Variants in IARS1 observed in about 807,000 individuals in gnomAD.
IARS1 encodes isoleucyl-tRNA synthetase 1, also known as isoleucine--tRNA ligase, cytoplasmic.
Under a neutral mutation model 168.2 loss-of-function variants are expected in IARS1, and 124 were observed. That is an observed-to-expected ratio of 0.74 (90% CI 0.64 to 0.86). IARS1 has a LOEUF of 0.86. Among genes scored for constraint, IARS1 ranks in the 40% least tolerant of loss-of-function variants. The pLI, the probability that IARS1 is intolerant of heterozygous loss-of-function variation, is 0.00. For synonymous variants in IARS1, 532 were observed against 529.4 expected (o/e 1.00, Z -0.07); for missense variants, 1,452 against 1,515.8 (o/e 0.96, Z 0.70).
At position 92,271,646 on chromosome 9, in the gene IARS1, G is replaced by T. The variant is rs754788006; in HGVS notation, c.1000C>A (p.Arg334=). 6.2e-7 allele frequency: 1 copy of T among 1,614,026 alleles called. No individual in the cohort carries two copies. Among genetic ancestry groups the T allele is most frequent in the East Asian group, 2.2e-5 (1 of 44,882 alleles). The part of the protein sequence containing the change: ...QAPYFGAEDY[R]VCMDFNIIRK... The stretch of plus-strand genomic sequence containing the variant: ...ATAATGTTAAAGTCCATACAGACCC[G>T]ATAGTCCTCCTGAGAAAAGGCAAAA... Residue 334 remains arginine, a synonymous_variant, in exon 11 of 34, where the codon CGG becomes AGG. Coordinates refer to ENST00000443024, the MANE Select transcript of IARS1 (RefSeq NM_002161.6).
chr9:92,210,880 T>C lies in IARS1; in HGVS notation c.3716A>G (p.Glu1239Gly). 1.2e-6 allele frequency: 2 copies of C among 1,601,608 alleles called. No individual in the cohort carries two copies. Among genetic ancestry groups the C allele is most frequent in the Non-Finnish European group, 1.7e-6 (2 of 1,168,626 alleles). ...ATTCAAAGTCTTCACGGGGATGTCT[T>C]CTGTAATTTCTAGAATGGAAAGAAA... ...LNETQTQEIT[E>G]DIPVKTLNMK... Residue 1239 changes from glutamate (E) to glycine (G), a missense_variant, in exon 34 of 34, where the codon GAA becomes GGA. Transcript: ENST00000443024.
At chr9:92,258,334 T>C (rs1210748842) in intron 19 of IARS1, among the ~76,000 whole-genome samples, 1 of 152,222 alleles carries the variant, frequency 6.6e-6, no homozygotes, top group Non-Finnish European at 1.5e-5. Context: ...GGCTCATGCC[T>C]GTAATCCCAG....
intron 20 of IARS1, among the ~76,000 whole-genome samples, chr9:92,255,672 C>T (rs2133752170): frequency 6.6e-6 from 1 of 152,210 alleles, no homozygotes; most frequent in Non-Finnish European, 1.5e-5. Flanking sequence ...GCATTAATAA[C>T]AAGTATTATT....
intron 33 of IARS1, among the ~76,000 whole-genome samples, chr9:92,220,849 C>T (rs1246415152): frequency 6.6e-6 from 1 of 151,558 alleles, no homozygotes; most frequent in Non-Finnish European, 1.5e-5. Flanking sequence ...TGCCTGTAGT[C>T]CTAGCTAGGG....
intron 21 of IARS1, among the ~76,000 whole-genome samples, chr9:92,252,972 A>G (rs543318945): frequency 6.6e-6 from 1 of 151,986 alleles, no homozygotes; most frequent in Admixed American, 6.6e-5. Flanking sequence ...ACAGTAAATA[A>G]TATCTGACTC....
intron 31 of IARS1, among the ~76,000 whole-genome samples, chr9:92,227,774 G>T (rs1270609079): frequency 4.6e-5 from 7 of 151,098 alleles, no homozygotes; most frequent in Non-Finnish European, 8.9e-5. Flanking sequence ...TTCCTAGATG[G>T]GATGGCGGCC....
chr9:92,269,992 G>A lies in IARS1; in HGVS notation c.1206-9C>T. The A allele has an allele frequency of 1.3e-6, 2 of 1,586,300 alleles. No homozygotes were observed. The highest frequency in any genetic ancestry group is 1.7e-6 in the Non-Finnish European group (2 of 1,154,720). ...TTAGAGGAGTGTCTGATCTGGGGAA[G>A]CAGAAACACACACATAGCTGCTCAG... On this transcript the variant is annotated splice_polypyrimidine_tract_variant and intron_variant, in intron 12 of 33. Transcript: ENST00000443024.
chr9:92,229,218 AG>A (rs1174527047), intron 30 of IARS1, 92 bp from the exon 31 acceptor site: 1 of 1,345,684 alleles, frequency 7.4e-7, no homozygotes, highest in African/African-American at 1.5e-5. Context: ...AAGGGGTTCA[AG>A]CCCTAATATT....
At chr9:92,261,440 TGGGAAGGCAGGAG>T (rs1004247407) in intron 17 of IARS1, among the ~76,000 whole-genome samples, 20 of 151,906 alleles carry the variant, frequency 1.3e-4, no homozygotes, top group African/African-American at 4.8e-4. Flanking sequence ...GGGATGACAG[TGGGAAGGCAGGAG>T]GGGAAGGCAA....
chr9:92,215,202 G>A (rs938617156), intron 33 of IARS1, among the ~76,000 whole-genome samples: 31 of 152,230 alleles, frequency 2.0e-4, no homozygotes, highest in Non-Finnish European at 3.5e-4. Context: ...CAGACTTGCA[G>A]TTGAGGGTCC....
At chr9:92,217,981 T>C (rs948805657) in intron 33 of IARS1, among the ~76,000 whole-genome samples, 273 of 152,108 alleles carry the variant, frequency 1.8e-3, no homozygotes, top group Admixed American at 5.0e-3. Flanking sequence ...AAAAAGAGAA[T>C]TTTAGACCAA....
At chr9:92,264,670 A>G (rs1371745185) in intron 16 of IARS1, among the ~76,000 whole-genome samples, 3 of 152,200 alleles carry the variant, frequency 2.0e-5, no homozygotes, top group Non-Finnish European at 4.4e-5. Context: ...TTTAACATCC[A>G]GTGTAACACA....
chr9:92,210,724 C>A lies in IARS1; in HGVS notation c.*83G>T, dbSNP rs1228894473. The A allele has an allele frequency of 1.2e-5, 10 of 806,706 alleles. No homozygotes were observed. Among genetic ancestry groups the A allele is most frequent in the Non-Finnish European group, 2.0e-5 (9 of 452,680 alleles). 50.0% of individuals were successfully genotyped at this position (806,706 alleles called of 1,614,324 possible). A position where few individuals can be genotyped will look rare whatever the true frequency, so the allele number is the denominator to read the frequency against. On this transcript the variant is annotated 3_prime_UTR_variant, in exon 34 of 34. Transcript: ENST00000443024. ...CTGAAGGAAATATCTTCAGTGTGTTCATGTGTGTGTCTATGTGCATGTATG... is the reference window on the plus strand; with the variant it reads ...CTGAAGGAAATATCTTCAGTGTGTTAATGTGTGTGTCTATGTGCATGTATG...
At position 92,249,905 on chromosome 9, in the gene IARS1, G is replaced by A; in HGVS notation, c.2569C>T (p.Pro857Ser). 6.2e-6 allele frequency: 10 copies of A among 1,606,826 alleles called. No individual in the cohort carries two copies. The highest frequency in any genetic ancestry group is 8.5e-6 in the Non-Finnish European group (10 of 1,173,810). The part of the protein sequence containing the change: ...LKEIVVIHQD[P>S]EALKDIKSLE... ...GACTTGATATCTTTAAGAGCTTCTG[G>A]ATCTTGATGGATAACCACAATTTCT... Residue 857 changes from proline (P) to serine (S), a missense_variant, in exon 25 of 34, where the codon CCA becomes TCA. Transcript: ENST00000443024.
At chr9:92,219,815 T>C (rs1839375835) in intron 33 of IARS1, among the ~76,000 whole-genome samples, 1 of 143,194 alleles carries the variant, frequency 7.0e-6, no homozygotes, top group Non-Finnish European at 1.5e-5. Context: ...TTTACACTGT[T>C]GGTGGGACTG....
At chr9:92,270,080 T>C (rs147944344) in intron 12 of IARS1, 97 bp from the exon 13 acceptor site, 9,181 of 697,112 alleles carry the variant, frequency 0.013, 91 homozygotes, top group Non-Finnish European at 0.015. Context: ...GCATCATCAC[T>C]TACTTGGCCT....
At chr9:92,259,893 AGGACTT>A (rs1480869009) in intron 18 of IARS1, among the ~76,000 whole-genome samples, 1 of 152,212 alleles carries the variant, frequency 6.6e-6, no homozygotes, top group Non-Finnish European at 1.5e-5. Flanking sequence ...TAGCCTGGGG[AGGACTT>A]GGACAGCTCA....
chr9:92,250,834 C>A lies in IARS1; in HGVS notation c.2308G>T (p.Ala770Ser). ...TCAGTGAGAAAAGGTGTGTAGGGAGCCTGTATGAAGACACAGGACATCATG... is the reference window on the plus strand; with the variant it reads ...TCAGTGAGAAAAGGTGTGTAGGGAGACTGTATGAAGACACAGGACATCATG... ...SVLLSLCRLM[A>S]PYTPFLTELM... Residue 770 changes from alanine to serine, a missense_variant and splice_region_variant, in exon 23 of 34, where the codon GCT (alanine) becomes TCT (serine). Coordinates refer to ENST00000443024, the MANE Select transcript of IARS1 (RefSeq NM_002161.6). 6.2e-7 allele frequency: 1 copy of A among 1,601,486 alleles called. No homozygotes were observed.
At chr9:92,286,443 C>A (rs1480027773) in intron 5 of IARS1, 93 bp downstream of exon 5, 14 of 669,592 alleles carry the variant, frequency 2.1e-5, no homozygotes, top group Middle Eastern at 6.1e-4. Context: ...ACGATGGACT[C>A]AAAAATAAAC....
Sources: gnomAD v4.1 joint callset for allele counts (sites outside exome capture counted in the v4.1 genomes callset) on GRCh38, gnomAD v4.1.1 for gene constraint, MANE v1.5 for transcripts, NCBI Gene and HGNC (gene_info 2026-07-23, HGNC 2026-07-21) for gene names.